HPSE2: variants seen among roughly 807,000 people sequenced by gnomAD.
HPSE2 encodes heparanase 2 (inactive).
HPSE2 carries 38 observed loss-of-function variants against 60.5 expected under a neutral mutation model. The observed-to-expected ratio is 0.63, with a 90% confidence interval of 0.48 to 0.82. The LOEUF is 0.82. HPSE2 is among the 40% of genes least tolerant of loss of function. The probability of loss-of-function intolerance (pLI) is 0.00; values close to 1 mark genes in which losing one functional copy is unlikely to be tolerated. For synonymous variants in HPSE2, 295 were observed against 293.2 expected (o/e 1.01, Z -0.06); for missense variants, 713 against 740.4 (o/e 0.96, Z 0.43).
At chr10:99,301,052 C>T in the HPSE2 span, among the ~76,000 whole-genome samples, 1 of 152,156 alleles carries the variant, frequency 6.6e-6, no homozygotes, top group Non-Finnish European at 1.5e-5. Flanking sequence ...TTAATCCTTA[C>T]AATATTGACC....
chr10:99,273,288 G>A, the HPSE2 span, among the ~76,000 whole-genome samples: 12 of 152,084 alleles, frequency 7.9e-5, no homozygotes, highest in African/African-American at 2.4e-4. Flanking sequence ...GGGCATGAGG[G>A]ATAAAAGACT....
chr10:99,113,788 C>G (rs570750455), intron 3 of HPSE2, among the ~76,000 whole-genome samples: 1 of 151,420 alleles, frequency 6.6e-6, no homozygotes, highest in Non-Finnish European at 1.5e-5. Flanking sequence ...ATTAGAGGTA[C>G]AAGTGCAGTT....
rs370707388 is a variant in HPSE2, at chr10:98,737,010, G to A, written c.784+6873C>T. On this transcript the variant is annotated intron_variant, in intron 4 of 11. Transcript: ENST00000370552. Reference sequence around the variant, plus strand: ...GAAGGTTGAAGGAGAGAAGCAGACAGGAAGAGAAAACTGAGAAAAGAAGCA... The same window carrying A: ...GAAGGTTGAAGGAGAGAAGCAGACAAGAAGAGAAAACTGAGAAAAGAAGCA... 3.8e-4 allele frequency among the ~76,000 whole-genome samples: 58 copies of A among 152,234 alleles called. 2 individuals carry two copies. In the South Asian group the frequency reaches 0.012, roughly 31 times the overall value.
At position 98,472,186 on chromosome 10, in the gene HPSE2, T is replaced by C. The variant is rs952240113; in HGVS notation, c.1613+10450A>G. 5.8e-4 allele frequency among the ~76,000 whole-genome samples: 88 copies of C among 151,832 alleles called. 1 individual carries two copies. The highest frequency in any genetic ancestry group is 2.1e-3 in the African/African-American group (87 of 41,448). On this transcript the variant is annotated intron_variant, in intron 11 of 11. Transcript: ENST00000370552. ...CTCAGAACCTTAAGTATAAGTATTT[T>C]TATAAATATATATATATACTCTTAC... is the stretch of plus-strand genomic sequence containing the variant.
chr10:98,586,879 T>C (rs1020218246), intron 9 of HPSE2, among the ~76,000 whole-genome samples: 3 of 152,216 alleles, frequency 2.0e-5, no homozygotes, highest in Non-Finnish European at 4.4e-5. Flanking sequence ...GGAATAATGG[T>C]GGGCTTTGGG....
intron 11 of HPSE2, among the ~76,000 whole-genome samples, chr10:98,471,018 A>C (rs2133606365): frequency 6.6e-6 from 1 of 152,358 alleles, no homozygotes; most frequent in East Asian, 1.9e-4. Context: ...AGTGATCTCC[A>C]CATTAGTAAT....
intron 3 of HPSE2, among the ~76,000 whole-genome samples, chr10:98,957,739 C>T (rs1468684743): frequency 6.6e-6 from 1 of 152,116 alleles, no homozygotes; most frequent in Non-Finnish European, 1.5e-5. Flanking sequence ...AGTGCTTGGG[C>T]TTTAACAAGA....
the HPSE2 span, among the ~76,000 whole-genome samples, chr10:99,297,977 A>G: frequency 8.4e-4 from 128 of 152,312 alleles, 1 homozygote; most frequent in Middle Eastern, 0.024. Flanking sequence ...GCCAATTCCA[A>G]GTGCTTTCCT....
chr10:98,752,062 G>A (rs1332824832), intron 3 of HPSE2, among the ~76,000 whole-genome samples: 1 of 152,204 alleles, frequency 6.6e-6, no homozygotes, highest in African/African-American at 2.4e-5. Flanking sequence ...GGAGAGGACA[G>A]GCTCCCTACT....
intron 8 of HPSE2, among the ~76,000 whole-genome samples, chr10:98,618,164 G>A (rs750131371): frequency 2.6e-5 from 4 of 152,080 alleles, no homozygotes; most frequent in Non-Finnish European, 4.4e-5. Flanking sequence ...AAGAGAGATG[G>A]GGAGCAGAAT....
chr10:99,279,175 C>G, the HPSE2 span, among the ~76,000 whole-genome samples: 1 of 152,012 alleles, frequency 6.6e-6, no homozygotes, highest in African/African-American at 2.4e-5. Context: ...GAAGACAGAA[C>G]CTGTTAGGAA....
At chr10:98,554,069 T>C (rs1447585980) in intron 9 of HPSE2, among the ~76,000 whole-genome samples, 2 of 152,202 alleles carry the variant, frequency 1.3e-5, no homozygotes, top group Non-Finnish European at 2.9e-5. Context: ...TAATATGTAA[T>C]GTCTCAGTCC....
chr10:99,243,195 T>TA, the HPSE2 span, among the ~76,000 whole-genome samples: 5 of 151,308 alleles, frequency 3.3e-5, no homozygotes, highest in East Asian at 1.9e-4. Context: ...CTACTAAAAA[T>TA]AAAAAAAATT....
chr10:98,976,691 T>C (rs1956092552), intron 3 of HPSE2, among the ~76,000 whole-genome samples: 1 of 151,428 alleles, frequency 6.6e-6, no homozygotes, highest in Non-Finnish European at 1.5e-5. Context: ...AACAGTTTGT[T>C]CCCTCATAAA....
At chr10:98,809,406 T>C (rs1951116557) in intron 3 of HPSE2, among the ~76,000 whole-genome samples, 1 of 152,134 alleles carries the variant, frequency 6.6e-6, no homozygotes, top group Admixed American at 6.6e-5. Flanking sequence ...ACAATTAAGA[T>C]TGATCAATCT....
intron 9 of HPSE2, among the ~76,000 whole-genome samples, chr10:98,497,888 T>G (rs1020123172): frequency 3.3e-5 from 5 of 152,230 alleles, no homozygotes; most frequent in Admixed American, 6.5e-5. Context: ...TATTTTCTAG[T>G]ATTTGTGTTT....
At chr10:98,981,190 G>A (rs1290015418) in intron 3 of HPSE2, among the ~76,000 whole-genome samples, 1 of 152,138 alleles carries the variant, frequency 6.6e-6, no homozygotes, top group Non-Finnish European at 1.5e-5. Context: ...TATTACTGGT[G>A]AAACAGTCAA....
chr10:98,710,954 G>C (rs1190948404), intron 5 of HPSE2, among the ~76,000 whole-genome samples: 1 of 152,104 alleles, frequency 6.6e-6, no homozygotes, highest in Non-Finnish European at 1.5e-5. Context: ...TGCCAGTGAA[G>C]GGTTGAGAGA....
intron 2 of HPSE2, among the ~76,000 whole-genome samples, chr10:99,206,009 T>C (rs978551000): frequency 6.6e-6 from 1 of 152,196 alleles, no homozygotes; most frequent in Non-Finnish European, 1.5e-5. Flanking sequence ...CTGGTGATGC[T>C]GGAAGTGCTC....
Sources: allele counts gnomAD v4.1 joint callset (sites outside exome capture counted in the v4.1 genomes callset), GRCh38; gene constraint gnomAD v4.1.1; transcripts MANE v1.5; gene names NCBI Gene and HGNC (gene_info 2026-07-23, HGNC 2026-07-21).